The following CADM1 variants were observed in gnomAD, a reference collection of about 807,000 sequenced individuals.
The protein encoded by CADM1 is TSLC-1.
A neutral mutation model predicts 53.1 loss-of-function variants in CADM1; 15 were observed. The observed-to-expected ratio is 0.28, with a 90% CI of 0.19 to 0.44. CADM1 has a LOEUF of 0.44. CADM1 is among the 20% of genes least tolerant of loss of function. The pLI is 1.00. For missense variants in CADM1, 434 were observed against 611.3 expected, an observed-to-expected ratio of 0.71 and a Z score of 3.06; for synonymous variants, 281 against 243.0, an observed-to-expected ratio of 1.16 and a Z score of -1.45.
chr11:115,180,805 C>G (rs535954320), intron 10 of CADM1, among the ~76,000 whole-genome samples: 1 of 152,178 alleles, frequency 6.6e-6, no homozygotes, highest in South Asian at 2.1e-4. Context: ...GAAAAGCCAG[C>G]AAGTTGTGTT....
chr11:115,492,586 G>A (rs752103585), intron 1 of CADM1, among the ~76,000 whole-genome samples: 1 of 151,858 alleles, frequency 6.6e-6, no homozygotes, highest in Non-Finnish European at 1.5e-5. Flanking sequence ...CTATTTTAAA[G>A]ACAAAAAGAG....
At chr11:115,287,943 T>C (rs881211) in intron 1 of CADM1, among the ~76,000 whole-genome samples, 26,866 of 152,136 alleles carry the variant, frequency 0.18, 2,559 homozygotes, top group South Asian at 0.33. Context: ...AACATCATTA[T>C]GTCAGGTGAT....
At chr11:115,198,289 T>C in intron 9 of CADM1, 117 bp downstream of exon 9, 1 of 735,050 alleles carries the variant, frequency 1.4e-6, no homozygotes. Context: ...AGTATATTTA[T>C]GAGGTCAGTC....
intron 1 of CADM1, among the ~76,000 whole-genome samples, chr11:115,379,734 C>G (rs909984512): frequency 6.6e-6 from 1 of 152,174 alleles, no homozygotes. Context: ...CTCAACTTCA[C>G]TTTTTGATAG....
chr11:115,264,953 T>C (rs2135028040), intron 1 of CADM1, among the ~76,000 whole-genome samples: 1 of 152,256 alleles, frequency 6.6e-6, no homozygotes, highest in African/African-American at 2.4e-5. Context: ...TGAAGGTAAG[T>C]GAACAACACC....
intron 4 of CADM1, 24 bp from the exon 5 acceptor site, chr11:115,229,295 G>C (rs770233285): frequency 6.2e-7 from 1 of 1,613,196 alleles, no homozygotes; most frequent in South Asian, 1.1e-5. Context: ...AATGTACCAA[G>C]ACACCAGAGT....
At chr11:115,326,647 GCT>G (rs1268971546) in intron 1 of CADM1, among the ~76,000 whole-genome samples, 2 of 152,094 alleles carry the variant, frequency 1.3e-5, no homozygotes, top group Non-Finnish European at 2.9e-5. Flanking sequence ...CCTCTTCCTA[GCT>G]CTGTTTTGCT....
intron 1 of CADM1, among the ~76,000 whole-genome samples, chr11:115,492,520 C>A (rs78572494): frequency 0.011 from 1,642 of 152,110 alleles, 20 homozygotes; most frequent in East Asian, 0.04. Context: ...AACACACACA[C>A]AAAAAAACTA....
intron 1 of CADM1, among the ~76,000 whole-genome samples, chr11:115,286,830 C>T (rs77627967): frequency 1.1e-4 from 17 of 152,196 alleles, no homozygotes; most frequent in African/African-American, 3.6e-4. Context: ...GGGAGGTTGC[C>T]GCACCTCCTG....
At chr11:115,462,305 A>G (rs1445976151) in intron 1 of CADM1, among the ~76,000 whole-genome samples, 1 of 152,224 alleles carries the variant, frequency 6.6e-6, no homozygotes, top group Non-Finnish European at 1.5e-5. Context: ...ATGGCTGAAA[A>G]GCAGCCCAGG....
At chr11:115,406,247 G>A (rs771768739) in intron 1 of CADM1, among the ~76,000 whole-genome samples, 4 of 151,462 alleles carry the variant, frequency 2.6e-5, no homozygotes, top group Non-Finnish European at 5.9e-5. Flanking sequence ...ATATTCACTC[G>A]CTTCCTTAAG....
intron 1 of CADM1, among the ~76,000 whole-genome samples, chr11:115,298,190 T>C (rs1362232567): frequency 6.6e-6 from 1 of 152,264 alleles, no homozygotes; most frequent in Non-Finnish European, 1.5e-5. Context: ...GTATTGGGCA[T>C]GCCAATTTAT....
chr11:115,351,144 T>TA, intron 1 of CADM1, among the ~76,000 whole-genome samples: 1 of 146,924 alleles, frequency 6.8e-6, no homozygotes, highest in Non-Finnish European at 1.5e-5. Context: ...CAAAAAAAAG[T>TA]AAAAGCGAGT....
At chr11:115,245,359 A>G (rs969268372) in intron 1 of CADM1, among the ~76,000 whole-genome samples, 4 of 152,210 alleles carry the variant, frequency 2.6e-5, no homozygotes, top group Non-Finnish European at 5.9e-5. Flanking sequence ...ACTCTACTAT[A>G]GTTCTTGAAA....
chr11:115,481,416 T>C (rs1949255255), intron 1 of CADM1, among the ~76,000 whole-genome samples: 1 of 152,188 alleles, frequency 6.6e-6, no homozygotes, highest in Admixed American at 6.5e-5. Flanking sequence ...AGCCCCTTCT[T>C]CACTCCTCTC....
At chr11:115,394,385 C>T (rs1351658170) in intron 1 of CADM1, among the ~76,000 whole-genome samples, 5 of 152,120 alleles carry the variant, frequency 3.3e-5, no homozygotes, top group Non-Finnish European at 5.9e-5. Flanking sequence ...CCAACACTTT[C>T]CTTTATGACT....
chr11:115,183,346 C>A (rs1417259897), intron 10 of CADM1, among the ~76,000 whole-genome samples: 1 of 152,188 alleles, frequency 6.6e-6, no homozygotes, highest in Non-Finnish European at 1.5e-5. Flanking sequence ...TACCACCTGG[C>A]ATGAGATGTG....
At chr11:115,344,933 A>G (rs1945538914) in intron 1 of CADM1, among the ~76,000 whole-genome samples, 1 of 152,168 alleles carries the variant, frequency 6.6e-6, no homozygotes. Flanking sequence ...TTTGGCTTGA[A>G]TCTTCCTTTC....
chr11:115,317,997 CACACA>C (rs1208515279), intron 1 of CADM1, among the ~76,000 whole-genome samples: 2 of 151,870 alleles, frequency 1.3e-5, no homozygotes, highest in South Asian at 4.2e-4. Flanking sequence ...CACACACACA[CACACA>C]CACACACACA....
Sources: allele counts gnomAD v4.1 joint callset (sites outside exome capture counted in the v4.1 genomes callset), GRCh38; gene constraint gnomAD v4.1.1; transcripts MANE v1.5; gene names NCBI Gene and HGNC (gene_info 2026-07-23, HGNC 2026-07-21).